Variants in CDC34 observed in about 807,000 individuals in gnomAD.
The protein encoded by CDC34 is ubiquitin-conjugating enzyme E2 R1.
A neutral mutation model predicts 26.8 loss-of-function variants in CDC34; 18 were observed. The observed-to-expected ratio is 0.67, with a 90% CI of 0.47 to 1.00. The LOEUF is 1.00. Ranked by LOEUF, CDC34 falls within the 50% of genes least tolerant of loss-of-function variation. The pLI, the probability that CDC34 is intolerant of heterozygous loss-of-function variation, is 0.00. For missense variants in CDC34, 280 were observed against 334.5 expected, an observed-to-expected ratio of 0.84 and a Z score of 1.27; for synonymous variants, 178 against 147.5, an observed-to-expected ratio of 1.21 and a Z score of -1.50.
intron 1 of CDC34, 56 bp from the exon 2 acceptor site, chr19:535,781 C>T: frequency 1.4e-6 from 2 of 1,380,690 alleles, no homozygotes; most frequent in Non-Finnish European, 1.0e-6. Flanking sequence ...ACCTTGTGAG[C>T]TGGGGCAGGT....
chr19:538,589 C>T (rs1979870754), intron 4 of CDC34: 5 of 505,948 alleles, frequency 9.9e-6, no homozygotes, highest in Non-Finnish European at 1.3e-5. Context: ...GAGGCCTCAC[C>T]TATTTTTGTT....
intron 1 of CDC34, among the ~76,000 whole-genome samples, chr19:535,361 G>C (rs1979691633): frequency 6.6e-6 from 1 of 152,258 alleles, no homozygotes; most frequent in Non-Finnish European, 1.5e-5. Context: ...TTTGCTAACT[G>C]AGCAATCATC....
intron 2 of CDC34, 151 bp downstream of exon 2, chr19:536,074 G>A (rs1161027532): frequency 2.9e-5 from 25 of 874,184 alleles, no homozygotes; most frequent in Non-Finnish European, 3.5e-5. Context: ...TCACGTCCTC[G>A]TCCTTCCGGG....
intron 1 of CDC34, 96 bp downstream of exon 1, chr19:532,204 G>C (rs1979521021): frequency 1.9e-6 from 2 of 1,046,846 alleles, no homozygotes; most frequent in East Asian, 3.3e-5. Flanking sequence ...CGCTGTTGCT[G>C]GGCGGGCCCC....
At chr19:532,774 G>A (rs979237420) in intron 1 of CDC34, among the ~76,000 whole-genome samples, 1 of 152,212 alleles carries the variant, frequency 6.6e-6, no homozygotes, top group African/African-American at 2.4e-5. Context: ...CCTGCTTTAT[G>A]TAACCTGCGC....
At position 531,931 on chromosome 19, in the gene CDC34, C is replaced by T. The variant is rs1221318311; in HGVS notation, c.-1C>T. 1.4e-6 allele frequency: 2 copies of T among 1,428,908 alleles called. No homozygotes were observed. The highest frequency in any genetic ancestry group is 1.5e-5 in the South Asian group (1 of 67,248). The allele number at this position is 1,428,908 out of a possible 1,614,324, so 88.5% of individuals were successfully genotyped here. A position where few individuals can be genotyped will look rare whatever the true frequency, so the allele number is the denominator to read the frequency against. Reference sequence around the variant, plus strand: ...CGACCCCGGGCCCCTCCGCCGCCGCCATGGCTCGGCCGCTAGTGCCCAGCT... The same window carrying T: ...CGACCCCGGGCCCCTCCGCCGCCGCTATGGCTCGGCCGCTAGTGCCCAGCT... On this transcript the variant is annotated 5_prime_UTR_variant, in exon 1 of 5. Transcript: ENST00000215574.
At chr19:536,012 G>C in intron 2 of CDC34, 89 bp downstream of exon 2, 1 of 1,319,846 alleles carries the variant, frequency 7.6e-7, no homozygotes, top group Non-Finnish European at 1.1e-6. Flanking sequence ...CGGGACCCGG[G>C]GCGCTGGGAG....
chr19:538,445 C>T (rs1042019054), intron 4 of CDC34, among the ~76,000 whole-genome samples: 3 of 152,164 alleles, frequency 2.0e-5, no homozygotes, highest in Non-Finnish European at 4.4e-5. Context: ...TAAACACGTG[C>T]GTGTCTGTGT....
At chr19:532,144 C>A in intron 1 of CDC34, 36 bp downstream of exon 1, 9 of 1,455,684 alleles carry the variant, frequency 6.2e-6, no homozygotes, top group Non-Finnish European at 8.1e-6. Context: ...TCCCGGAGCC[C>A]ACGAGCGACC....
chr19:534,937 G>A (rs1271527625), intron 1 of CDC34, among the ~76,000 whole-genome samples: 17 of 151,978 alleles, frequency 1.1e-4, no homozygotes, highest in South Asian at 2.1e-4. Context: ...CACCACGATC[G>A]CTCTGGGGGT....
intron 4 of CDC34, among the ~76,000 whole-genome samples, chr19:537,576 T>C (rs1979814906): frequency 6.7e-6 from 1 of 150,010 alleles, no homozygotes; most frequent in Non-Finnish European, 1.5e-5. Flanking sequence ...ATGGTCTCGA[T>C]CTCCTGACCT....
intron 4 of CDC34, among the ~76,000 whole-genome samples, chr19:538,235 CG>C (rs1386113077): frequency 6.6e-6 from 1 of 152,240 alleles, no homozygotes; most frequent in Non-Finnish European, 1.5e-5. Flanking sequence ...GTCTGGAGTG[CG>C]TCCCTGCAGG....
chr19:539,074 T>C, intron 4 of CDC34: 4 of 928,230 alleles, frequency 4.3e-6, no homozygotes, highest in Non-Finnish European at 5.1e-6. Flanking sequence ...ATGTGGACTC[T>C]GCTGTGGTCG....
intron 4 of CDC34, among the ~76,000 whole-genome samples, chr19:539,701 G>T (rs909830333): frequency 6.6e-6 from 1 of 152,162 alleles, no homozygotes; most frequent in African/African-American, 2.4e-5. Context: ...CGAGCCCATT[G>T]CCTGCGGCTG....
At chr19:539,016 C>T (rs1979892367) in intron 4 of CDC34, 1 of 985,074 alleles carries the variant, frequency 1.0e-6, no homozygotes, top group South Asian at 4.7e-5. Flanking sequence ...ATAAAAGCCA[C>T]ACTATTTTTA....
At position 537,643 on chromosome 19, in the gene CDC34, C is replaced by T. The variant is rs899191863; in HGVS notation, c.497+496C>T. Among the ~76,000 whole-genome samples, 25 of 129,438 alleles carry T rather than the reference C, an allele frequency of 1.9e-4. 1 individual carries two copies. Among genetic ancestry groups the T allele is most frequent in the Non-Finnish European group, 1.0e-4 (6 of 59,630 alleles). 84.9% of individuals were successfully genotyped at this position (129,438 alleles called of 152,430 possible). A position where few individuals can be genotyped will look rare whatever the true frequency, so the allele number is the denominator to read the frequency against. On this transcript the variant is annotated intron_variant, in intron 4 of 4. Transcript: ENST00000215574. ...CAGGGATTACAGGCGTGAGCCACCG[C>T]GGCCGGCCTTTTTTTTTTTTTTTTT...
intron 2 of CDC34, 77 bp downstream of exon 2, chr19:536,000 TC>T: frequency 1.5e-6 from 2 of 1,345,784 alleles, no homozygotes; most frequent in Non-Finnish European, 2.1e-6. Context: ...TCCTCATCCT[TC>T]CGGGACCCGG....
intron 4 of CDC34, among the ~76,000 whole-genome samples, chr19:537,987 G>A (rs1221543992): frequency 1.3e-5 from 2 of 152,220 alleles, no homozygotes; most frequent in African/African-American, 2.4e-5. Context: ...GATTCTTCCA[G>A]GCTTTTCAGT....
At chr19:533,080 G>A (rs896568086) in intron 1 of CDC34, among the ~76,000 whole-genome samples, 4 of 152,178 alleles carry the variant, frequency 2.6e-5, no homozygotes, top group African/African-American at 7.2e-5. Flanking sequence ...AAGGACTCAG[G>A]CCAAAACCAG....
Sources: gnomAD v4.1 joint callset for allele counts (sites outside exome capture counted in the v4.1 genomes callset) on GRCh38, gnomAD v4.1.1 for gene constraint, MANE v1.5 for transcripts, NCBI Gene and HGNC (gene_info 2026-07-23, HGNC 2026-07-21) for gene names.